RYR2: variants seen among roughly 807,000 people sequenced by gnomAD.
RYR2 encodes the protein ryanodine receptor 2.
RYR2 carries 227 observed loss-of-function variants against 601.1 expected under a neutral mutation model. The observed-to-expected ratio is 0.38, with a 90% CI of 0.34 to 0.42. The LOEUF (loss-of-function observed/expected upper bound fraction) is 0.42, where lower values mean the gene tolerates loss of function less well. Ranked by LOEUF, RYR2 falls within the 10% of genes least tolerant of loss-of-function variation. RYR2 has a pLI of 1.00. For missense variants in RYR2, 4,646 were observed against 6,156.5 expected, an observed-to-expected ratio of 0.75 and a Z score of 8.21; for synonymous variants, 2,223 against 2,175.1, an observed-to-expected ratio of 1.02 and a Z score of -0.61.
intron 76 of RYR2, among the ~76,000 whole-genome samples, chr1:237,730,019 G>T (rs968069117): frequency 5.9e-5 from 9 of 152,166 alleles, no homozygotes; most frequent in Non-Finnish European, 1.3e-4. Flanking sequence ...ATTTGGGAAA[G>T]TCGAGTCACT....
intron 3 of RYR2, among the ~76,000 whole-genome samples, chr1:237,349,354 A>G (rs1006362177): frequency 2.0e-5 from 3 of 152,176 alleles, no homozygotes; most frequent in Admixed American, 1.3e-4. Context: ...AGATAAAAGT[A>G]TACTTCAAAA....
intron 2 of RYR2, among the ~76,000 whole-genome samples, chr1:237,318,346 T>G (rs1033701490): frequency 1.3e-5 from 2 of 152,152 alleles, no homozygotes; most frequent in Non-Finnish European, 2.9e-5. Flanking sequence ...TATAACTATT[T>G]AACTGTTTCT....
chr1:237,163,279 C>T (rs1477374119), intron 1 of RYR2, among the ~76,000 whole-genome samples: 1 of 152,088 alleles, frequency 6.6e-6, no homozygotes, highest in Non-Finnish European at 1.5e-5. Flanking sequence ...ACCACATTCC[C>T]ATCAATAGCA....
intron 76 of RYR2, among the ~76,000 whole-genome samples, chr1:237,727,870 G>C (rs1690326277): frequency 6.6e-6 from 1 of 151,972 alleles, no homozygotes; most frequent in Non-Finnish European, 1.5e-5. Context: ...GTGGTCCAGG[G>C]TACCATTTCA....
intron 10 of RYR2, among the ~76,000 whole-genome samples, chr1:237,406,152 CCCCTTCCCTTCCCTTCCCTT>C (rs1425241911): frequency 1.8e-5 from 1 of 55,304 alleles, no homozygotes; most frequent in African/African-American, 7.6e-5. Flanking sequence ...CCCCTCCCCT[CCCCTTCCCTTCCCTTCCCTT>C]CCCTCCCCTC....
intron 8 of RYR2, among the ~76,000 whole-genome samples, chr1:237,385,810 G>A (rs1019828394): frequency 6.6e-6 from 1 of 152,108 alleles, no homozygotes; most frequent in Non-Finnish European, 1.5e-5. Flanking sequence ...CTCCACATAC[G>A]TGTTTACTGG....
At chr1:237,095,067 A>C (rs1174565535) in intron 1 of RYR2, among the ~76,000 whole-genome samples, 2 of 152,228 alleles carry the variant, frequency 1.3e-5, no homozygotes, top group African/African-American at 2.4e-5. Context: ...AGGTTAAGTA[A>C]TGTCTTCAGG....
chr1:237,125,163 C>T (rs1298535401), intron 1 of RYR2, among the ~76,000 whole-genome samples: 2 of 152,150 alleles, frequency 1.3e-5, no homozygotes, highest in Admixed American at 6.5e-5. Flanking sequence ...CGAGAAGTAT[C>T]TGTAAGATAC....
At chr1:237,070,117 A>C (rs1418724937) in intron 1 of RYR2, among the ~76,000 whole-genome samples, 1 of 146,806 alleles carries the variant, frequency 6.8e-6, no homozygotes, top group Non-Finnish European at 1.5e-5. Context: ...TGCAGCCTTG[A>C]CCTCCCAGGC....
At chr1:237,643,482 G>C in intron 48 of RYR2, 35 bp downstream of exon 48, 1 of 1,613,112 alleles carries the variant, frequency 6.2e-7, no homozygotes, top group Non-Finnish European at 8.5e-7. Flanking sequence ...AATTCAGTAG[G>C]ATGTTGGATG....
intron 16 of RYR2, among the ~76,000 whole-genome samples, chr1:237,462,934 C>A (rs1255001487): frequency 6.6e-6 from 1 of 152,138 alleles, no homozygotes; most frequent in Non-Finnish European, 1.5e-5. Context: ...TTGTCCCTTA[C>A]TCTTGCAAGT....
chr1:237,542,603 A>G (rs1331196478), intron 25 of RYR2, among the ~76,000 whole-genome samples: 4 of 151,980 alleles, frequency 2.6e-5, no homozygotes, highest in African/African-American at 9.7e-5. Flanking sequence ...CTGATTTGAT[A>G]TTGGGTTCAC....
At chr1:237,310,206 C>T (rs1250454626) in intron 2 of RYR2, among the ~76,000 whole-genome samples, 1 of 152,180 alleles carries the variant, frequency 6.6e-6, no homozygotes, top group African/African-American at 2.4e-5. Context: ...CATTATTGTG[C>T]TATTTAGGAG....
chr1:237,104,808 G>C (rs1668487537), intron 1 of RYR2, among the ~76,000 whole-genome samples: 1 of 152,162 alleles, frequency 6.6e-6, no homozygotes, highest in South Asian at 2.1e-4. Context: ...TTTGTACCGA[G>C]TTTGCAAGCA....
intron 14 of RYR2, among the ~76,000 whole-genome samples, chr1:237,452,123 C>A (rs115790302): frequency 0.035 from 4,749 of 135,934 alleles, 107 homozygotes; most frequent in Non-Finnish European, 0.056. Flanking sequence ...GTGTATACTT[C>A]TAATAGTAAT....
At chr1:237,670,315 G>GGGAGAGGGAGAGGGAGAGGGAGA (rs1684812302) in intron 58 of RYR2, among the ~76,000 whole-genome samples, 1 of 132,674 alleles carries the variant, frequency 7.5e-6, no homozygotes, top group African/African-American at 3.0e-5. Flanking sequence ...AGACTGGAGA[G>GGGAGAGGGAGAGGGAGAGGGAGA]GGAGAGGGAG....
chr1:237,717,065 A>G, intron 71 of RYR2, 133 bp from the exon 72 acceptor site: 2 of 733,820 alleles, frequency 2.7e-6, no homozygotes, highest in Non-Finnish European at 4.4e-6. Flanking sequence ...ATTATTCTCA[A>G]AACAGGAGGA....
intron 61 of RYR2, among the ~76,000 whole-genome samples, chr1:237,678,676 C>G (rs1220101787): frequency 6.6e-6 from 1 of 151,914 alleles, no homozygotes; most frequent in Non-Finnish European, 1.5e-5. Flanking sequence ...CTTTTTTCAG[C>G]CAAAAAGGGA....
intron 1 of RYR2, among the ~76,000 whole-genome samples, chr1:237,091,443 G>C (rs1325966348): frequency 6.9e-6 from 1 of 145,184 alleles, no homozygotes; most frequent in Non-Finnish European, 1.5e-5. Flanking sequence ...GGGGCGGGGG[G>C]GGATAGGGTC....
Sources: gnomAD v4.1 joint callset for allele counts (sites outside exome capture counted in the v4.1 genomes callset) on GRCh38, gnomAD v4.1.1 for gene constraint, MANE v1.5 for transcripts, NCBI Gene and HGNC (gene_info 2026-07-23, HGNC 2026-07-21) for gene names.